VPS13B: variants seen among roughly 807,000 people sequenced by gnomAD.
VPS13B encodes vacuolar protein sorting 13 homolog B, also known as intermembrane lipid transfer protein VPS13B.
VPS13B carries 285 observed loss-of-function variants against 426.4 expected under a neutral mutation model. That is an observed-to-expected ratio of 0.67 (90% CI 0.61 to 0.74). The LOEUF (loss-of-function observed/expected upper bound fraction) is 0.74. Ranked by LOEUF, VPS13B falls within the 30% of genes least tolerant of loss-of-function variation. VPS13B has a pLI of 0.00. For synonymous variants in VPS13B, 1,676 were observed against 1,676.4 expected, an observed-to-expected ratio of 1.00 and a Z score of 0.01; for missense variants, 4,537 against 4,782.6, an observed-to-expected ratio of 0.95 and a Z score of 1.51.
intron 29 of VPS13B, among the ~76,000 whole-genome samples, chr8:99,519,237 CA>C (rs1822245687): frequency 6.6e-6 from 1 of 151,962 alleles, no homozygotes; most frequent in Non-Finnish European, 1.5e-5. Context: ...AAATGCAAAT[CA>C]AAACTGCAAT....
At chr8:99,219,971 A>C (rs1248406565) in intron 17 of VPS13B, among the ~76,000 whole-genome samples, 1 of 152,192 alleles carries the variant, frequency 6.6e-6, no homozygotes, top group African/African-American at 2.4e-5. Context: ...ATGTCTCTCT[A>C]TAAGTTTAAA....
At chr8:99,678,568 T>TG (rs1388427633) in intron 35 of VPS13B, among the ~76,000 whole-genome samples, 1 of 142,368 alleles carries the variant, frequency 7.0e-6, no homozygotes, top group East Asian at 2.5e-4. Context: ...AATCTGATTC[T>TG]GTTTTTTTTT....
chr8:99,467,667 A>C (rs1359995769), intron 24 of VPS13B, 33 bp downstream of exon 24: 3 of 1,595,176 alleles, frequency 1.9e-6, no homozygotes, highest in Non-Finnish European at 2.6e-6. Flanking sequence ...AGGAAATTTA[A>C]AGTAATGTGA....
At chr8:99,279,289 T>A (rs1563643856) in intron 19 of VPS13B, among the ~76,000 whole-genome samples, 1 of 152,116 alleles carries the variant, frequency 6.6e-6, no homozygotes, top group African/African-American at 2.4e-5. Context: ...TCCCTTATTT[T>A]TTATTATTAT....
At chr8:99,235,624 A>C (rs1030301735) in intron 17 of VPS13B, among the ~76,000 whole-genome samples, 2 of 152,166 alleles carry the variant, frequency 1.3e-5, no homozygotes, top group Admixed American at 6.5e-5. Flanking sequence ...GCTGCATATT[A>C]TATATAAAAT....
intron 30 of VPS13B, among the ~76,000 whole-genome samples, chr8:99,542,279 G>C (rs1823663817): frequency 6.6e-6 from 1 of 152,162 alleles, no homozygotes; most frequent in African/African-American, 2.4e-5. Flanking sequence ...TAGAATAATA[G>C]AGGGTCCTAA....
chr8:99,460,002 G>A (rs1563742102), intron 23 of VPS13B, among the ~76,000 whole-genome samples: 1 of 152,032 alleles, frequency 6.6e-6, no homozygotes, highest in Non-Finnish European at 1.5e-5. Context: ...TTGAATGAAA[G>A]TGTTTCTAGT....
At chr8:99,516,343 T>C (rs1036941270) in intron 29 of VPS13B, among the ~76,000 whole-genome samples, 1 of 152,142 alleles carries the variant, frequency 6.6e-6, no homozygotes, top group Non-Finnish European at 1.5e-5. Flanking sequence ...AGCTATAATG[T>C]GGACTGTGGA....
At chr8:99,327,743 C>T (rs1298937101) in intron 19 of VPS13B, among the ~76,000 whole-genome samples, 1 of 152,158 alleles carries the variant, frequency 6.6e-6, no homozygotes. Flanking sequence ...ATGATCTCTA[C>T]TGTTTCATAA....
intron 19 of VPS13B, among the ~76,000 whole-genome samples, chr8:99,295,624 C>T (rs921267527): frequency 1.3e-5 from 2 of 152,148 alleles, no homozygotes; most frequent in African/African-American, 4.8e-5. Context: ...CAACACAGTG[C>T]ACTGTAGAGT....
intron 39 of VPS13B, among the ~76,000 whole-genome samples, chr8:99,730,801 G>C (rs1212093573): frequency 6.6e-6 from 1 of 151,910 alleles, no homozygotes; most frequent in Non-Finnish European, 1.5e-5. Flanking sequence ...ACAGGTACAG[G>C]TACCTCCTGA....
intron 34 of VPS13B, among the ~76,000 whole-genome samples, chr8:99,658,773 G>A (rs950888822): frequency 2.6e-5 from 4 of 152,018 alleles, no homozygotes; most frequent in African/African-American, 9.7e-5. Flanking sequence ...ACCAATACAG[G>A]CATTATCGGG....
chr8:99,583,390 A>G (rs1362924851), intron 33 of VPS13B, among the ~76,000 whole-genome samples: 1 of 152,210 alleles, frequency 6.6e-6, no homozygotes, highest in Non-Finnish European at 1.5e-5. Flanking sequence ...TAGTATAGAA[A>G]AATGTTGTCT....
At chr8:99,027,227 G>A (rs552595348) in intron 2 of VPS13B, among the ~76,000 whole-genome samples, 1 of 152,036 alleles carries the variant, frequency 6.6e-6, no homozygotes, top group South Asian at 2.1e-4. Flanking sequence ...TTTAATTGAG[G>A]ATTATAGTTT....
intron 19 of VPS13B, among the ~76,000 whole-genome samples, chr8:99,285,200 T>C (rs1234439093): frequency 6.6e-6 from 1 of 152,148 alleles, no homozygotes; most frequent in Non-Finnish European, 1.5e-5. Flanking sequence ...TCCTTCCACA[T>C]TGAAATGTAC....
At chr8:99,306,553 TA>T (rs1339337205) in intron 19 of VPS13B, among the ~76,000 whole-genome samples, 1 of 152,090 alleles carries the variant, frequency 6.6e-6, no homozygotes, top group African/African-American at 2.4e-5. Flanking sequence ...TGCCTACAAA[TA>T]ACTTAGTTCA....
intron 51 of VPS13B, among the ~76,000 whole-genome samples, chr8:99,824,768 C>G (rs999548167): frequency 1.3e-5 from 2 of 152,098 alleles, no homozygotes; most frequent in African/African-American, 4.8e-5. Flanking sequence ...GATGTCCCCC[C>G]TCCCTGTGCC....
At position 99,274,426 on chromosome 8, in the gene VPS13B, C is replaced by T. The variant is rs1588198781; in HGVS notation, c.2650+94C>T. 3.8e-6 allele frequency: 6 copies of T among 1,576,878 alleles called. No homozygotes were observed. In the South Asian group the frequency reaches 4.5e-5, roughly 12 times the overall value. ...AGCGTTACTGAAACAAGAATTTACT[C>T]ACTGTTGCTATGAATCAGACGTTTT... is the stretch of plus-strand genomic sequence containing the variant. On this transcript the variant is annotated intron_variant, in intron 18 of 61. Transcript: ENST00000357162.
intron 24 of VPS13B, 34 bp downstream of exon 24, chr8:99,467,668 A>C: frequency 6.3e-7 from 1 of 1,595,536 alleles, no homozygotes; most frequent in Non-Finnish European, 8.5e-7. Flanking sequence ...GGAAATTTAA[A>C]GTAATGTGAT....
Sources: gnomAD v4.1 joint callset for allele counts (sites outside exome capture counted in the v4.1 genomes callset) on GRCh38, gnomAD v4.1.1 for gene constraint, MANE v1.5 for transcripts, NCBI Gene and HGNC (gene_info 2026-07-23, HGNC 2026-07-21) for gene names.